The following SLC12A3 variants were observed in gnomAD, a reference collection of about 807,000 sequenced individuals.
SLC12A3 encodes the protein solute carrier family 12 member 3.
In SLC12A3, 104 loss-of-function variants were observed where a neutral mutation model predicts 121.0. The observed-to-expected ratio is 0.86, with a 90% CI of 0.73 to 1.01. The LOEUF (loss-of-function observed/expected upper bound fraction) is 1.01, where lower values mean the gene tolerates loss of function less well. Ranked by LOEUF, SLC12A3 falls within the 50% of genes least tolerant of loss-of-function variation. SLC12A3 has a pLI of 0.00. For missense variants in SLC12A3, 1,328 were observed against 1,356.3 expected (o/e 0.98, Z 0.33); for synonymous variants, 536 against 533.4 (o/e 1.00, Z -0.07).
chr16:56,887,898 C>T (rs768470612), intron 17 of SLC12A3, 27 bp from the exon 18 acceptor site: 5 of 1,565,202 alleles, frequency 3.2e-6, no homozygotes, highest in Admixed American at 3.4e-5. Context: ...CTGATGGGTT[C>T]CCCATCTCAC....
chr16:56,899,061 T>A (rs1358104822), intron 22 of SLC12A3, among the ~76,000 whole-genome samples: 1 of 152,184 alleles, frequency 6.6e-6, no homozygotes, highest in Non-Finnish European at 1.5e-5. Flanking sequence ...GTCAATTACT[T>A]TTCCGTTTCA....
chr16:56,906,606 G>A lies in SLC12A3; in HGVS notation c.2924+2144G>A, dbSNP rs537892194. On this transcript the variant is annotated intron_variant, in intron 25 of 25. Transcript: ENST00000563236. ...ACTACTTCAGAGGAAACAAATGGTC[G>A]TCTATGTCCTTCACCCTGGGAAGGC... 5.8e-5 allele frequency: 20 copies of A among 347,496 alleles called. No homozygotes were observed. The East Asian group carries it at 6.8e-4, about 12-fold the overall frequency. The allele number at this position is 347,496 out of a possible 1,614,324, so 21.5% of individuals were successfully genotyped here.
chr16:56,881,942 G>A (rs1177641612), intron 12 of SLC12A3, among the ~76,000 whole-genome samples: 1 of 151,800 alleles, frequency 6.6e-6, no homozygotes, highest in African/African-American at 2.4e-5. Flanking sequence ...CAAGCTACTA[G>A]GGAGGCTGAG....
At chr16:56,868,028 T>C (rs1964400461) in intron 2 of SLC12A3, among the ~76,000 whole-genome samples, 1 of 152,070 alleles carries the variant, frequency 6.6e-6, no homozygotes, top group Non-Finnish European at 1.5e-5. Flanking sequence ...TTGGGATGGA[T>C]ACAGTGAGGG....
intron 18 of SLC12A3, 78 bp from the exon 19 acceptor site, chr16:56,890,196 A>G (rs1224567141): frequency 9.5e-7 from 1 of 1,052,194 alleles, no homozygotes; most frequent in Non-Finnish European, 1.5e-6. Context: ...AACTCTAGAT[A>G]TCTGGTCTCC....
intron 18 of SLC12A3, among the ~76,000 whole-genome samples, chr16:56,889,665 G>A (rs2055363706): frequency 6.6e-6 from 1 of 152,126 alleles, no homozygotes; most frequent in African/African-American, 2.4e-5. Context: ...AGTAGAAATG[G>A]GGTTTTGCCA....
intron 25 of SLC12A3, among the ~76,000 whole-genome samples, chr16:56,911,127 G>A (rs141228264): frequency 1.3e-5 from 2 of 152,296 alleles, no homozygotes; most frequent in East Asian, 3.9e-4. Context: ...TTCAGTCCCC[G>A]AAATCATGTC....
chr16:56,878,059 T>TCTCC lies in SLC12A3; in HGVS notation c.1096-9_1096-6dup, dbSNP rs1446588083. On this transcript the variant is annotated splice_polypyrimidine_tract_variant and intron_variant, in intron 8 of 25. Coordinates refer to ENST00000563236, the MANE Select transcript of SLC12A3 (RefSeq NM_001126108.2). ...CTCTCCCTCCCTCCCTCCCTCCCTC[T>TCTCC]CTCCCTCCCTCCTTCAGGACCCTGC... 25 of 258,902 alleles carry TCTCC rather than the reference T, an allele frequency of 9.7e-5. No individual in the cohort carries two copies. Among genetic ancestry groups the TCTCC allele is most frequent in the Non-Finnish European group, 1.7e-4 (24 of 143,486 alleles). 16.0% of individuals were successfully genotyped at this position (258,902 alleles called of 1,614,324 possible). A position where few individuals can be genotyped will look rare whatever the true frequency, so the allele number is the denominator to read the frequency against.
At chr16:56,876,442 T>A (rs1220621529) in intron 8 of SLC12A3, among the ~76,000 whole-genome samples, 1 of 152,174 alleles carries the variant, frequency 6.6e-6, no homozygotes, top group Non-Finnish European at 1.5e-5. Context: ...TCAAACAGGT[T>A]TGCCGGGCAG....
Position 56,893,023 on chromosome 16 carries a change from C to T in SLC12A3, c.2490C>T (p.Thr830=), listed in dbSNP as rs539069621. ...TIFQSEQGKK[T]IDIYWLFDDG... is the part of the protein sequence containing the mutation. ...TCCAGTCGGAGCAGGGCAAGAAGAC[C>T]ATAGACATCTACTGGCTCTTTGACG... Residue 830 remains threonine (T), a synonymous_variant, in exon 21 of 26, where the codon ACC becomes ACT. Coordinates refer to ENST00000563236, the MANE Select transcript of SLC12A3 (RefSeq NM_001126108.2). The T allele has an allele frequency of 1.1e-4, 176 of 1,614,086 alleles. No individual in the cohort carries two copies. The highest frequency in any genetic ancestry group is 1.4e-4 in the Non-Finnish European group (170 of 1,180,014).
chr16:56,913,491 T>G lies in SLC12A3; in HGVS notation c.*86T>G. On this transcript the variant is annotated 3_prime_UTR_variant, in exon 26 of 26. Coordinates refer to ENST00000563236, the MANE Select transcript of SLC12A3 (RefSeq NM_001126108.2). ...TGCCTCTAGTCCACAGGGATGAGAC[T>G]CATGTTCTGTTGCACTTTAAGTGGC... 7.5e-7 allele frequency: 1 copy of G among 1,330,044 alleles called. No individual in the cohort carries two copies. The highest frequency in any genetic ancestry group is 1.1e-6 in the Non-Finnish European group (1 of 921,382). The allele number at this position is 1,330,044 out of a possible 1,614,324, so 82.4% of individuals were successfully genotyped here.
At chr16:56,884,981 G>A (rs963961909) in intron 14 of SLC12A3, among the ~76,000 whole-genome samples, 2 of 152,184 alleles carry the variant, frequency 1.3e-5, no homozygotes, top group African/African-American at 2.4e-5. Context: ...CGGCCAGGCT[G>A]GTCTTGAACT....
rs764892566 is a variant in SLC12A3 at position 56,865,311 on chromosome 16, C to T, written c.76C>T (p.Leu26=). Residue 26 remains leucine (L), a synonymous_variant, in exon 1 of 26, where the codon CTG becomes TTG. Coordinates refer to ENST00000563236, the MANE Select transcript of SLC12A3 (RefSeq NM_001126108.2). The stretch of plus-strand genomic sequence containing the variant: ...CGGGCGCTTCACCATCAGCACACTG[C>T]TGAGCAGTGATGAGCCCTCTCCACC... ...CSGRFTISTL[L]SSDEPSPPAA... 6.2e-7 allele frequency: 1 copy of T among 1,614,032 alleles called. No homozygotes were observed. The highest frequency in any genetic ancestry group is 1.7e-5 in the Admixed American group (1 of 60,032).
At chr16:56,886,876 C>T in intron 16 of SLC12A3, 77 bp from the exon 17 acceptor site, 1 of 1,602,238 alleles carries the variant, frequency 6.2e-7, no homozygotes, top group Non-Finnish European at 8.5e-7. Flanking sequence ...GGGCAGCCTC[C>T]AGGGCAGGAG....
chr16:56,876,447 G>C (rs527473713), intron 8 of SLC12A3, among the ~76,000 whole-genome samples: 3 of 152,200 alleles, frequency 2.0e-5, no homozygotes, highest in Non-Finnish European at 2.9e-5. Flanking sequence ...CAGGTTTGCC[G>C]GGCAGGGCTG....
chr16:56,910,429 G>C (rs553019256), intron 25 of SLC12A3, among the ~76,000 whole-genome samples: 2 of 151,996 alleles, frequency 1.3e-5, no homozygotes, highest in South Asian at 2.1e-4. Context: ...CCCACCTCCC[G>C]GGACTCAAAC....
chr16:56,888,076 C>T, intron 18 of SLC12A3, 45 bp downstream of exon 18: 1 of 1,425,716 alleles, frequency 7.0e-7, no homozygotes, highest in Non-Finnish European at 9.9e-7. Flanking sequence ...TTAATTTGGG[C>T]CCATTGGGCC....
intron 24 of SLC12A3, 23 bp downstream of exon 24, chr16:56,902,531 G>GGGGGGGGGGGGGCCC: frequency 1.4e-6 from 1 of 714,566 alleles, no homozygotes; most frequent in Non-Finnish European, 2.4e-6. Context: ...GTGGGGGTGG[G>GGGGGGGGGGGGGCCC]AAACGCGACA....
In SLC12A3 at chr16:56,879,217, A is replaced by C; in HGVS notation, c.1325A>C (p.Asn442Thr). Reference protein sequence around the residue: ...QQHSCHYGLINYYQTMSMVSG... With the variant: ...QQHSCHYGLITYYQTMSMVSG... ...CACAGCTGCCACTACGGCCTCATCAACTATTACCAGGTACTGCCAGGAGAG... is the reference window on the plus strand; with the variant it reads ...CACAGCTGCCACTACGGCCTCATCACCTATTACCAGGTACTGCCAGGAGAG... The change falls in exon 10 of 26, where the codon AAC becomes ACC. Residue 442 changes from asparagine to threonine, a missense_variant. Asn to Thr is a moderately conservative substitution (Grantham distance 65, BLOSUM62 0). Coordinates refer to ENST00000563236, the MANE Select transcript of SLC12A3 (RefSeq NM_001126108.2). 1 of 1,613,930 alleles carries C rather than the reference A, an allele frequency of 6.2e-7. No individual in the cohort carries two copies. Among genetic ancestry groups the C allele is most frequent in the Middle Eastern group, 1.7e-4 (1 of 6,060 alleles).
Sources: gnomAD v4.1 joint callset for allele counts (sites outside exome capture counted in the v4.1 genomes callset) on GRCh38, gnomAD v4.1.1 for gene constraint, MANE v1.5 for transcripts, NCBI Gene and HGNC (gene_info 2026-07-23, HGNC 2026-07-21) for gene names.